The following MRC1 variants were observed in gnomAD, a reference collection of about 807,000 sequenced individuals.
The protein encoded by MRC1 is macrophage mannose receptor 1.
In MRC1, 62 loss-of-function variants were observed where a neutral mutation model predicts 102.9. The ratio of observed to expected loss-of-function variants is 0.60; its 90% CI spans 0.49 to 0.74. The LOEUF is 0.74. Among genes scored for constraint, MRC1 ranks in the 30% least tolerant of loss-of-function variants. The pLI is 0.00. For synonymous variants in MRC1, 457 were observed against 298.4 expected (o/e 1.53, Z -5.48); for missense variants, 1,237 against 862.8 (o/e 1.43, Z -5.43).
At chr10:17,877,834 TTTTG>T in intron 17 of MRC1, 62 bp from the exon 18 acceptor site, 2 of 869,202 alleles carry the variant, frequency 2.3e-6, no homozygotes, top group South Asian at 2.6e-5. Context: ...AACATGTATG[TTTTG>T]TTTAAGAACT....
chr10:17,903,735 G>T (rs886895954), intron 26 of MRC1, among the ~76,000 whole-genome samples: 2 of 151,668 alleles, frequency 1.3e-5, no homozygotes, highest in African/African-American at 2.4e-5. Context: ...ACTATATATC[G>T]TTTGGTTATT....
intron 5 of MRC1, among the ~76,000 whole-genome samples, chr10:17,841,197 T>A (rs1425977793): frequency 1.3e-5 from 2 of 152,260 alleles, no homozygotes; most frequent in African/African-American, 4.8e-5. Flanking sequence ...TTTGTCAACA[T>A]CCTTGAGAGG....
chr10:17,873,561 G>GC (rs1168809781), intron 15 of MRC1, among the ~76,000 whole-genome samples: 4 of 151,684 alleles, frequency 2.6e-5, no homozygotes, highest in African/African-American at 9.7e-5. Context: ...ATTTCTGTTG[G>GC]CTATTATTGC....
At chr10:17,840,918 A>T in intron 5 of MRC1, 112 bp downstream of exon 5, 1 of 765,640 alleles carries the variant, frequency 1.3e-6, no homozygotes, top group Non-Finnish European at 2.4e-6. Context: ...GGGAGACTTC[A>T]TCAAATACAG....
chr10:17,864,456 A>G (rs1371521735), intron 11 of MRC1, among the ~76,000 whole-genome samples: 1 of 151,028 alleles, frequency 6.6e-6, no homozygotes, highest in Non-Finnish European at 1.5e-5. Flanking sequence ...ATGTGCTACC[A>G]TGTTTAGTCT....
At chr10:17,833,274 A>C (rs1838607093) in intron 3 of MRC1, among the ~76,000 whole-genome samples, 1 of 152,066 alleles carries the variant, frequency 6.6e-6, no homozygotes, top group South Asian at 2.1e-4. Flanking sequence ...TAATCCCAGC[A>C]CTTTGGGAAG....
chr10:17,893,846 A>G (rs1833714839), intron 22 of MRC1, among the ~76,000 whole-genome samples: 1 of 152,094 alleles, frequency 6.6e-6, no homozygotes. Context: ...TATGGTACCT[A>G]CTTTTGGGTT....
chr10:17,870,600 A>G (rs1456461201), intron 13 of MRC1, among the ~76,000 whole-genome samples: 1 of 152,182 alleles, frequency 6.6e-6, no homozygotes, highest in African/African-American at 2.4e-5. Flanking sequence ...AAGATGCTTA[A>G]TACGTATTTG....
At chr10:17,842,612 A>G (rs1470058828) in intron 5 of MRC1, among the ~76,000 whole-genome samples, 8 of 152,222 alleles carry the variant, frequency 5.3e-5, no homozygotes, top group African/African-American at 1.7e-4. Flanking sequence ...GCCAGATGCA[A>G]TTAGAGAATA....
intron 7 of MRC1, among the ~76,000 whole-genome samples, chr10:17,850,078 G>A (rs1838890739): frequency 6.6e-6 from 1 of 151,792 alleles, no homozygotes; most frequent in East Asian, 1.9e-4. Context: ...CCTTACACTT[G>A]TGAACAATGC....
At chr10:17,886,483 A>T (rs896118177) in intron 22 of MRC1, among the ~76,000 whole-genome samples, 1 of 151,982 alleles carries the variant, frequency 6.6e-6, no homozygotes, top group East Asian at 1.9e-4. Context: ...GCTCACTGCA[A>T]TCTCCACCTC....
rs1432580382 is a variant in MRC1 at position 17,852,828 on chromosome 10, A to T, written c.1250-139A>T. On this transcript the variant is annotated intron_variant, in intron 7 of 29. Transcript: ENST00000569591. Reference sequence around the variant, plus strand: ...CATGTAGGTCAGATGAGCACTCATGAGGACTATCTTTCATGATGGTGATCA... The same window carrying T: ...CATGTAGGTCAGATGAGCACTCATGTGGACTATCTTTCATGATGGTGATCA... 173 of 754,862 alleles carry T rather than the reference A, an allele frequency of 2.3e-4. 3 individuals are homozygous for T. The highest frequency in any genetic ancestry group is 1.6e-3 in the South Asian group (111 of 68,878). The allele number at this position is 754,862 out of a possible 1,614,324, so 46.8% of individuals were successfully genotyped here.
intron 3 of MRC1, among the ~76,000 whole-genome samples, chr10:17,828,332 C>G (rs1838515918): frequency 6.6e-6 from 1 of 151,516 alleles, no homozygotes; most frequent in Non-Finnish European, 1.5e-5. Flanking sequence ...CACCTCGCCT[C>G]CCAAAGTGTT....
chr10:17,831,078 A>G (rs1317364539), intron 3 of MRC1, among the ~76,000 whole-genome samples: 16 of 133,000 alleles, frequency 1.2e-4, no homozygotes, highest in African/African-American at 2.6e-4. Context: ...TTGTATTTTT[A>G]GTAGAGACGG....
intron 2 of MRC1, among the ~76,000 whole-genome samples, chr10:17,824,299 G>T (rs1220126496): frequency 6.6e-6 from 1 of 152,084 alleles, no homozygotes; most frequent in East Asian, 1.9e-4. Flanking sequence ...TCACATTTTA[G>T]GTTTGGATAC....
rs1833249549 is a variant in MRC1, at chr10:17,865,343, A to G, written c.1784-1219A>G. The G allele has an allele frequency of 3.9e-5, 6 of 152,372 alleles. No individual in the cohort carries two copies. In the South Asian group the frequency reaches 1.0e-3, roughly 26 times the overall value. The allele number at this position is 152,372 out of a possible 1,614,324, so 9.4% of individuals were successfully genotyped here. A position where few individuals can be genotyped will look rare whatever the true frequency, so the allele number is the denominator to read the frequency against. ...CAAGATTTCAGTTGATTTAAAAAGT[A>G]ACAGGATGGTGTAATAAAAGCTGAG... On this transcript the variant is annotated intron_variant, in intron 11 of 29. Transcript: ENST00000569591.
chr10:17,819,852 G>A (rs1318374182), intron 1 of MRC1, among the ~76,000 whole-genome samples: 6 of 152,144 alleles, frequency 3.9e-5, no homozygotes, highest in African/African-American at 1.4e-4. Context: ...GGCTGAAGTG[G>A]CAGGATCGCT....
At position 17,853,019 on chromosome 10, in the gene MRC1, C is replaced by T; in HGVS notation, c.1302C>T (p.Tyr434=). ...IGLNDIKIQM[Y]FEWSDGTPVT... is the part of the protein sequence containing the mutation. ...TAAATGACATTAAGATTCAAATGTACTTTGAGTGGAGTGATGGGACCCCTG... is the reference window on the plus strand; with the variant it reads ...TAAATGACATTAAGATTCAAATGTATTTTGAGTGGAGTGATGGGACCCCTG... The change falls in exon 8 of 30, where the codon TAC becomes TAT. Residue 434 remains tyrosine, a synonymous_variant. Transcript: ENST00000569591. The T allele has an allele frequency of 1.3e-6, 1 of 780,746 alleles. No homozygotes were observed. The highest frequency in any genetic ancestry group is 2.4e-6 in the Non-Finnish European group (1 of 417,940). 48.4% of individuals were successfully genotyped at this position (780,746 alleles called of 1,614,324 possible).
intron 3 of MRC1, among the ~76,000 whole-genome samples, chr10:17,831,190 C>T (rs926848001): frequency 1.3e-5 from 2 of 150,796 alleles, no homozygotes; most frequent in African/African-American, 2.5e-5. Flanking sequence ...CCATGGCGCC[C>T]GCATTTTCTA....
Sources: gnomAD v4.1 joint callset for allele counts (sites outside exome capture counted in the v4.1 genomes callset) on GRCh38, gnomAD v4.1.1 for gene constraint, MANE v1.5 for transcripts, NCBI Gene and HGNC (gene_info 2026-07-23, HGNC 2026-07-21) for gene names.